The following KCNQ3 variants were observed in gnomAD, a reference collection of about 807,000 sequenced individuals.
The protein encoded by KCNQ3 is potassium voltage-gated channel subfamily Q member 3, also known as potassium voltage-gated channel subfamily KQT member 3.
Under a neutral mutation model 92.5 loss-of-function variants are expected in KCNQ3, and 30 were observed. That is an observed-to-expected ratio of 0.32 (90% CI 0.24 to 0.44). The LOEUF (loss-of-function observed/expected upper bound fraction) is 0.44. KCNQ3 is among the 20% of genes least tolerant of loss of function. The pLI is 1.00. For synonymous variants in KCNQ3, 450 were observed against 468.8 expected (o/e 0.96, Z 0.52); for missense variants, 913 against 1,140.3 (o/e 0.80, Z 2.87).
At chr8:132,438,218 A>G (rs74419653) in intron 1 of KCNQ3, among the ~76,000 whole-genome samples, 1,641 of 152,338 alleles carry the variant, frequency 0.011, 25 homozygotes, top group African/African-American at 0.037. Flanking sequence ...TTTGCTTTCT[A>G]TTCAAGTCTG....
At chr8:132,356,904 G>A (rs1385978032) in intron 1 of KCNQ3, among the ~76,000 whole-genome samples, 3 of 152,164 alleles carry the variant, frequency 2.0e-5, no homozygotes, top group African/African-American at 7.2e-5. Flanking sequence ...ATTTCAATAT[G>A]AGTTGTGAAT....
chr8:132,151,094 G>A (rs1487259656), intron 9 of KCNQ3, among the ~76,000 whole-genome samples: 2 of 152,222 alleles, frequency 1.3e-5, no homozygotes, highest in Non-Finnish European at 2.9e-5. Flanking sequence ...GTTATAGGCT[G>A]CTTTTTTGGC....
At chr8:132,239,581 TG>T (rs1243403752) in intron 1 of KCNQ3, among the ~76,000 whole-genome samples, 2 of 152,222 alleles carry the variant, frequency 1.3e-5, no homozygotes, top group African/African-American at 4.8e-5. Flanking sequence ...CTGCAAAACC[TG>T]GAAGATCACG....
chr8:132,154,193 G>GATTTTTTTTTTTTTT (rs1825726490), intron 9 of KCNQ3, among the ~76,000 whole-genome samples: 1 of 27,456 alleles, frequency 3.6e-5, no homozygotes. Flanking sequence ...AAGGGTAAAA[G>GATTTTTTTTTTTTTT]TTTTTTTTTT....
chr8:132,312,651 G>A (rs1328083595), intron 1 of KCNQ3, among the ~76,000 whole-genome samples: 1 of 152,140 alleles, frequency 6.6e-6, no homozygotes, highest in African/African-American at 2.4e-5. Flanking sequence ...TGGATCATGG[G>A]GGCGGTTTCC....
intron 1 of KCNQ3, among the ~76,000 whole-genome samples, chr8:132,428,443 C>T (rs540114168): frequency 2.5e-4 from 38 of 152,212 alleles, no homozygotes; most frequent in Non-Finnish European, 5.1e-4. Context: ...AATTTAAAAC[C>T]GCAATCAGCC....
Position 132,225,034 on chromosome 8 carries a change from A to C in KCNQ3, c.387-38853T>G, listed in dbSNP as rs185443468. 1.1e-3 allele frequency among the ~76,000 whole-genome samples: 165 copies of C among 152,344 alleles called. 3 individuals are homozygous for C. The highest frequency in any genetic ancestry group is 3.9e-4 in the East Asian group (2 of 5,180). Reference sequence around the variant, plus strand: ...GATGCTACATTAATCAATCATTTATAGTAAAGAATGAGACAGAATAGACCC... The same window carrying C: ...GATGCTACATTAATCAATCATTTATCGTAAAGAATGAGACAGAATAGACCC... On this transcript the variant is annotated intron_variant, in intron 1 of 14. Transcript: ENST00000388996.
rs145883169 is a variant in KCNQ3, at chr8:132,129,368, G to A, written c.2513C>T (p.Thr838Met). ...REKRYLAEGE[T>M]DTDTDPFTPS... ...CGTGAAGGGGTCCGTGTCTGTGTCC[G>A]TCTCACCCTCGGCGAGGTACCGCTT... is the stretch of plus-strand genomic sequence containing the variant. Residue 838 changes from threonine (T) to methionine (M), a missense_variant, in exon 15 of 15, where the codon ACG (threonine) becomes ATG (methionine). Around this residue, in one of 6 missense-constraint regions of KCNQ3, gnomAD observed 375 missense variants for 376.4 expected, o/e 1.00. Transcript: ENST00000388996. The surrounding 1 kb of genome is among the most constrained non-coding windows in gnomAD (Gnocchi z 5.9). The A allele has an allele frequency of 4.2e-5, 67 of 1,614,210 alleles. No homozygotes were observed. Among genetic ancestry groups the A allele is most frequent in the Non-Finnish European group, 5.5e-5 (65 of 1,180,030 alleles).
intron 1 of KCNQ3, among the ~76,000 whole-genome samples, chr8:132,372,759 C>CA (rs749955464): frequency 0.23 from 15,320 of 66,490 alleles, 2,136 homozygotes; most frequent in African/African-American, 0.31. Flanking sequence ...GACTTTGTCT[C>CA]AAAAAAAAAA....
intron 1 of KCNQ3, among the ~76,000 whole-genome samples, chr8:132,375,229 T>C (rs528013124): frequency 1.3e-5 from 2 of 152,324 alleles, no homozygotes; most frequent in East Asian, 3.9e-4. Context: ...TTTAAACACA[T>C]TTTTATTTAA....
chr8:132,393,926 G>A lies in KCNQ3; in HGVS notation c.386+86221C>T, dbSNP rs373264686. On this transcript the variant is annotated intron_variant, in intron 1 of 14. Coordinates refer to ENST00000388996, the MANE Select transcript of KCNQ3 (RefSeq NM_004519.4). ...TAACTAGAATTCTTCACCACCCACT[G>A]TGTACAGATTCCTTCACTCATCTGC... is the stretch of plus-strand genomic sequence containing the variant. 1.6e-3 allele frequency among the ~76,000 whole-genome samples: 248 copies of A among 152,326 alleles called. 12 individuals carry two copies. In the South Asian group the frequency reaches 0.049, roughly 30 times the overall value.
At position 132,124,413 on chromosome 8, in the gene KCNQ3, T is replaced by A. The variant is rs888625213; in HGVS notation, c.*4849A>T. 5.3e-5 allele frequency: 8 copies of A among 152,244 alleles called. No homozygotes were observed. Among genetic ancestry groups the A allele is most frequent in the Admixed American group, 2.6e-4 (4 of 15,286 alleles). The allele number at this position is 152,244 out of a possible 1,614,324, so 9.4% of individuals were successfully genotyped here. On this transcript the variant is annotated 3_prime_UTR_variant, in exon 15 of 15. Transcript: ENST00000388996. ...GTCATTGTACTAGAGGCTTTGTGTG[T>A]ACATTGATTGTCTCACTTGAAAATC...
chr8:132,186,868 C>A (rs919684164), intron 1 of KCNQ3, among the ~76,000 whole-genome samples: 1 of 146,352 alleles, frequency 6.8e-6, no homozygotes, highest in African/African-American at 2.5e-5. Context: ...GAACTACAAA[C>A]AATTTTTTAA....
At chr8:132,291,675 T>A (rs1262106987) in intron 1 of KCNQ3, among the ~76,000 whole-genome samples, 4 of 152,152 alleles carry the variant, frequency 2.6e-5, no homozygotes, top group Non-Finnish European at 5.9e-5. Context: ...AAATAAGGGC[T>A]TTTGCTATTC....
intron 1 of KCNQ3, among the ~76,000 whole-genome samples, chr8:132,392,790 CAAAAAAAAAAAAA>C (rs56183412): frequency 5.5e-5 from 4 of 72,648 alleles, no homozygotes; most frequent in South Asian, 6.1e-4. Context: ...GAACCTGTCT[CAAAAAAAAAAAAA>C]AAAAAAAAAA....
At chr8:132,476,244 C>A (rs777704690) in intron 1 of KCNQ3, among the ~76,000 whole-genome samples, 2 of 152,170 alleles carry the variant, frequency 1.3e-5, no homozygotes, top group Non-Finnish European at 2.9e-5. Flanking sequence ...GAGGGCAGTG[C>A]AAGAGGAAAT....
In KCNQ3 at chr8:132,333,017, TTGGATGGATGGATGGATGGA is replaced by T. The variant is rs3049635; in HGVS notation, c.387-146856_387-146837del. Among the ~76,000 whole-genome samples, 1,138 of 149,940 alleles carry T rather than the reference TTGGATGGATGGATGGATGGA, an allele frequency of 7.6e-3. 11 individuals carry two copies. Among genetic ancestry groups the T allele is most frequent in the Non-Finnish European group, 9.7e-3 (652 of 67,514 alleles). On this transcript the variant is annotated intron_variant, in intron 1 of 14. Transcript: ENST00000388996. ...CAGAGTGAGAGGATGGATGAATGGA[TTGGATGGATGGATGGATGGA>T]TGGATGGATGGATGGATGGATGGAA...
intron 1 of KCNQ3, among the ~76,000 whole-genome samples, chr8:132,223,887 A>G (rs549727421): frequency 6.6e-6 from 1 of 152,142 alleles, no homozygotes; most frequent in African/African-American, 2.4e-5. Flanking sequence ...GAACAAATAA[A>G]TTATTAAAAA....
rs1236504437 is a variant in KCNQ3, at chr8:132,122,318, GT to G, written c.*6943del. ...AACTCATAAGGAGTGCTTAGGATAA[GT>G]TTCTCTCCCCTTCCCTGACCTCACT... On this transcript the variant is annotated 3_prime_UTR_variant, in exon 15 of 15. Coordinates refer to ENST00000388996, the MANE Select transcript of KCNQ3 (RefSeq NM_004519.4). 2 of 152,220 alleles carry G rather than the reference GT, an allele frequency of 1.3e-5. No homozygotes were observed. The highest frequency in any genetic ancestry group is 4.8e-5 in the African/African-American group (2 of 41,456). The allele number at this position is 152,220 out of a possible 1,614,324, so 9.4% of individuals were successfully genotyped here.
Sources: allele counts gnomAD v4.1 joint callset (sites outside exome capture counted in the v4.1 genomes callset), GRCh38; gene constraint gnomAD v4.1.1; regional missense constraint gnomAD v4.1.1; non-coding constraint Gnocchi (gnomAD v3.1); transcripts MANE v1.5; gene names NCBI Gene and HGNC (gene_info 2026-07-23, HGNC 2026-07-21).